The following SLC17A5 variants were observed in gnomAD, a reference collection of about 807,000 sequenced individuals.
SLC17A5 encodes the protein sialin.
SLC17A5 carries 47 observed loss-of-function variants against 59.4 expected under a neutral mutation model. The observed-to-expected ratio is 0.79, with a 90% CI of 0.63 to 1.01. The LOEUF (loss-of-function observed/expected upper bound fraction) is 1.01. SLC17A5 is among the 50% of genes least tolerant of loss of function. The probability of loss-of-function intolerance (pLI) is 0.00; values close to 1 mark genes in which losing one functional copy is unlikely to be tolerated. For synonymous variants in SLC17A5, 202 were observed against 210.7 expected (o/e 0.96, Z 0.36); for missense variants, 522 against 595.5 (o/e 0.88, Z 1.28).
chr6:73,608,073 G>A lies in SLC17A5; in HGVS notation c.1259+2327C>T, dbSNP rs193273439. On this transcript the variant is annotated intron_variant, in intron 9 of 10. Transcript: ENST00000355773. ...ATTACAGGCGTGAACTACCGTGCCC[G>A]GCTCAAAATGACTCATGTTTATTTA... is the stretch of plus-strand genomic sequence containing the variant. Among the ~76,000 whole-genome samples the A allele has an allele frequency of 1.5e-4, 23 of 152,162 alleles. No homozygotes were observed. In the East Asian group the frequency reaches 3.1e-3, roughly 20 times the overall value.
At chr6:73,606,145 C>G (rs1362514042) in intron 9 of SLC17A5, among the ~76,000 whole-genome samples, 3 of 151,980 alleles carry the variant, frequency 2.0e-5, no homozygotes, top group Admixed American at 2.0e-4. Flanking sequence ...TGGGTTCAAG[C>G]AATTCTCATG....
intron 6 of SLC17A5, among the ~76,000 whole-genome samples, chr6:73,625,964 C>G (rs976635007): frequency 1.3e-5 from 2 of 152,086 alleles, no homozygotes; most frequent in African/African-American, 4.8e-5. Flanking sequence ...AAGCTCAGGG[C>G]AGAGAGGATT....
intron 6 of SLC17A5, among the ~76,000 whole-genome samples, chr6:73,625,467 G>T (rs759245953): frequency 6.6e-6 from 1 of 152,144 alleles, no homozygotes; most frequent in Admixed American, 6.6e-5. Context: ...GATTACAAGC[G>T]TGAGCCAGTG....
intron 8 of SLC17A5, among the ~76,000 whole-genome samples, chr6:73,613,305 G>T (rs1040479665): frequency 3.3e-5 from 5 of 152,136 alleles, no homozygotes; most frequent in Non-Finnish European, 5.9e-5. Context: ...TGTGAGGGAT[G>T]ATGTTTGGCA....
chr6:73,653,895 C>G lies in SLC17A5; in HGVS notation c.-9G>C. 1 of 1,601,318 alleles carries G rather than the reference C, an allele frequency of 6.2e-7. No individual in the cohort carries two copies. The highest frequency in any genetic ancestry group is 8.5e-7 in the Non-Finnish European group (1 of 1,174,346). On this transcript the variant is annotated 5_prime_UTR_variant, in exon 1 of 11. Coordinates refer to ENST00000355773, the MANE Select transcript of SLC17A5 (RefSeq NM_012434.5). ...CGAACCGGAGACCTCATGACGCCTACGTGAGCAGGTGTACTCGCCACCTGG... is the reference window on the plus strand; with the variant it reads ...CGAACCGGAGACCTCATGACGCCTAGGTGAGCAGGTGTACTCGCCACCTGG...
chr6:73,653,160 G>A, intron 1 of SLC17A5: 10 of 985,354 alleles, frequency 1.0e-5, no homozygotes, highest in Non-Finnish European at 1.2e-5. Flanking sequence ...GTCTCTTACT[G>A]CACAATGTCA....
intron 9 of SLC17A5, among the ~76,000 whole-genome samples, chr6:73,606,387 T>C (rs1024429678): frequency 2.0e-5 from 3 of 152,192 alleles, no homozygotes; most frequent in Admixed American, 1.3e-4. Flanking sequence ...TGAGAACCAG[T>C]ACAGCAGTCC....
At chr6:73,619,768 T>A (rs928841091) in intron 7 of SLC17A5, among the ~76,000 whole-genome samples, 3 of 152,130 alleles carry the variant, frequency 2.0e-5, no homozygotes, top group Admixed American at 2.0e-4. Flanking sequence ...TGTTTTAAAG[T>A]ACACAACATT....
rs1245736506 is a variant in SLC17A5 at position 73,635,473 on chromosome 6, A to T, written c.728T>A (p.Leu243Ter). The change falls in exon 6 of 11, where the codon TTG becomes TAG. Residue 243 changes from leucine (L) to a stop codon, truncating the protein, a stop_gained. Transcript: ENST00000355773. LOFTEE classifies it high-confidence loss of function. ...FGTIGIFWFL[L>*]WIWLVSDTPQ... ...TGTGTCACTAACTAACCAGATCCAC[A>T]AAAGAAACCAAAATATTCCAATAGT... The T allele has an allele frequency of 6.3e-7, 1 of 1,592,528 alleles. No individual in the cohort carries two copies.
At chr6:73,618,273 T>C in intron 7 of SLC17A5, 1 of 112,280 alleles carries the variant, frequency 8.9e-6, no homozygotes, top group Non-Finnish European at 1.6e-5. Context: ...TAAAATAAAA[T>C]AAAATAAAAT....
chr6:73,645,760 C>T (rs1344872449), intron 1 of SLC17A5, among the ~76,000 whole-genome samples: 4 of 142,578 alleles, frequency 2.8e-5, no homozygotes, highest in Admixed American at 2.2e-4. Flanking sequence ...TGCACTCCAG[C>T]CTGGGCGACA....
chr6:73,635,991 G>A (rs555629941), intron 5 of SLC17A5, among the ~76,000 whole-genome samples: 144 of 151,928 alleles, frequency 9.5e-4, no homozygotes, highest in African/African-American at 3.4e-3. Flanking sequence ...CACCCGCCTC[G>A]GCCTCCCAAA....
At chr6:73,605,809 C>A (rs1331803282) in intron 9 of SLC17A5, among the ~76,000 whole-genome samples, 1 of 151,844 alleles carries the variant, frequency 6.6e-6, no homozygotes, top group Non-Finnish European at 1.5e-5. Flanking sequence ...GAAACTCCCT[C>A]TCTACTAAAA....
chr6:73,635,594 C>G (rs892432310), intron 5 of SLC17A5, 94 bp from the exon 6 acceptor site: 1 of 649,846 alleles, frequency 1.5e-6, no homozygotes, highest in East Asian at 2.8e-5. Flanking sequence ...GCACCAACAA[C>G]AATTTTTACA....
intron 1 of SLC17A5, among the ~76,000 whole-genome samples, chr6:73,649,604 T>G (rs958104891): frequency 2.0e-5 from 3 of 152,184 alleles, no homozygotes. Context: ...GACTCTTGTC[T>G]CAAAAAACAA....
At chr6:73,633,844 C>T (rs1337819207) in intron 6 of SLC17A5, among the ~76,000 whole-genome samples, 1 of 151,474 alleles carries the variant, frequency 6.6e-6, no homozygotes, top group African/African-American at 2.4e-5. Flanking sequence ...TGTGCCACTA[C>T]ACTCCAGCCT....
chr6:73,621,450 A>G (rs1022405664), intron 7 of SLC17A5, among the ~76,000 whole-genome samples: 2 of 152,222 alleles, frequency 1.3e-5, no homozygotes. Flanking sequence ...GATGTCGGGC[A>G]TCCTTACATG....
intron 6 of SLC17A5, among the ~76,000 whole-genome samples, chr6:73,630,938 C>T (rs530313338): frequency 5.3e-5 from 8 of 149,802 alleles, no homozygotes; most frequent in East Asian, 3.9e-4. Context: ...CCCGGCTACT[C>T]GGGAGGCTGA....
intron 9 of SLC17A5, among the ~76,000 whole-genome samples, chr6:73,609,236 G>A (rs1037557620): frequency 1.3e-5 from 2 of 152,240 alleles, no homozygotes; most frequent in East Asian, 3.9e-4. Flanking sequence ...TTGTCAGCTG[G>A]CACAAAATGG....
Sources: allele counts gnomAD v4.1 joint callset (sites outside exome capture counted in the v4.1 genomes callset), GRCh38; gene constraint gnomAD v4.1.1; transcripts MANE v1.5; gene names NCBI Gene and HGNC (gene_info 2026-07-23, HGNC 2026-07-21).